Variants in WDR70 observed in about 807,000 individuals in gnomAD.
The protein encoded by WDR70 is WD repeat domain 70, also known as WD repeat-containing protein 70.
In WDR70, 53 loss-of-function variants were observed where a neutral mutation model predicts 88.6. The ratio of observed to expected loss-of-function variants is 0.60; its 90% confidence interval spans 0.48 to 0.75. The LOEUF is 0.75. Among genes scored for constraint, WDR70 ranks in the 30% least tolerant of loss-of-function variants. The pLI is 0.00. For synonymous variants in WDR70, 280 were observed against 270.0 expected (o/e 1.04, Z -0.36); for missense variants, 610 against 823.2 (o/e 0.74, Z 3.17).
chr5:37,697,587 C>T, intron 10 of WDR70, 68 bp from the exon 11 acceptor site: 1 of 1,258,416 alleles, frequency 7.9e-7, no homozygotes, highest in Non-Finnish European at 1.2e-6. Context: ...GTGAAATGTT[C>T]TTGCCACAAA....
At chr5:37,623,807 C>G (rs1250867325) in intron 10 of WDR70, among the ~76,000 whole-genome samples, 1 of 152,060 alleles carries the variant, frequency 6.6e-6, no homozygotes, top group African/African-American at 2.4e-5. Flanking sequence ...ACAGCACAGT[C>G]CCTGGTACTT....
intron 10 of WDR70, among the ~76,000 whole-genome samples, chr5:37,647,836 G>T (rs1321871256): frequency 1.3e-5 from 2 of 152,198 alleles, no homozygotes; most frequent in East Asian, 3.9e-4. Flanking sequence ...GACTGTGCTT[G>T]GTCAGACCTG....
intron 9 of WDR70, among the ~76,000 whole-genome samples, chr5:37,532,971 C>T (rs1741543815): frequency 1.3e-5 from 2 of 152,116 alleles, no homozygotes; most frequent in Admixed American, 1.3e-4. Flanking sequence ...ATGTGTTGTT[C>T]TCCCCTTTCT....
At chr5:37,454,731 T>C (rs1372121274) in intron 7 of WDR70, among the ~76,000 whole-genome samples, 1 of 152,202 alleles carries the variant, frequency 6.6e-6, no homozygotes, top group Non-Finnish European at 1.5e-5. Context: ...CTGAAGTATT[T>C]TTCCTCCTCT....
chr5:37,676,131 T>G (rs543380103), intron 10 of WDR70, among the ~76,000 whole-genome samples: 1,988 of 149,568 alleles, frequency 0.013, 42 homozygotes, highest in African/African-American at 0.045. Flanking sequence ...AAGGAGATTT[T>G]GGGCTGAGAC....
chr5:37,524,329 C>G (rs559850525), intron 9 of WDR70, among the ~76,000 whole-genome samples: 3 of 152,192 alleles, frequency 2.0e-5, no homozygotes, highest in Non-Finnish European at 4.4e-5. Flanking sequence ...CAATATTCAA[C>G]ATTCTTAAAG....
At chr5:37,506,492 G>A (rs1475405922) in intron 8 of WDR70, 3 of 769,280 alleles carry the variant, frequency 3.9e-6, no homozygotes, top group Non-Finnish European at 7.3e-6. Flanking sequence ...AGACACCTCT[G>A]TTCTTAAGCA....
Position 37,647,727 on chromosome 5 carries a change from C to G in WDR70, c.1092+42489C>G, listed in dbSNP as rs371612431. Among the ~76,000 whole-genome samples the G allele has an allele frequency of 3.9e-5, 6 of 152,314 alleles. No individual in the cohort carries two copies. In the East Asian group the frequency reaches 9.7e-4, roughly 25 times the overall value. The stretch of plus-strand genomic sequence containing the variant: ...TTCTCTTTCCTTACTCCCAAACTTA[C>G]TTTGTTTGTTTCTCCTAAACAAGCA... On this transcript the variant is annotated intron_variant, in intron 10 of 17. Coordinates refer to ENST00000265107, the MANE Select transcript of WDR70 (RefSeq NM_018034.4).
intron 13 of WDR70, among the ~76,000 whole-genome samples, chr5:37,710,229 T>C (rs527557119): frequency 6.6e-6 from 1 of 152,166 alleles, no homozygotes; most frequent in Non-Finnish European, 1.5e-5. Flanking sequence ...AAATTGATCT[T>C]TTTAAGAAAG....
intron 3 of WDR70, 67 bp downstream of exon 3, chr5:37,381,752 A>G (rs2111841927): frequency 6.6e-7 from 1 of 1,508,456 alleles, no homozygotes; most frequent in Non-Finnish European, 9.1e-7. Context: ...CAAGTATATT[A>G]AAAAAGAGAA....
At chr5:37,391,039 A>G (rs1404228141) in intron 3 of WDR70, among the ~76,000 whole-genome samples, 1 of 152,178 alleles carries the variant, frequency 6.6e-6, no homozygotes, top group Non-Finnish European at 1.5e-5. Flanking sequence ...TTTATGTTTT[A>G]AAACATTAGA....
At chr5:37,553,396 G>A (rs992452586) in intron 9 of WDR70, among the ~76,000 whole-genome samples, 5 of 152,160 alleles carry the variant, frequency 3.3e-5, no homozygotes, top group African/African-American at 9.7e-5. Flanking sequence ...GGATAGTTGT[G>A]TACTAAAGGC....
At chr5:37,740,008 G>C (rs1480829187) in intron 17 of WDR70, among the ~76,000 whole-genome samples, 1 of 152,178 alleles carries the variant, frequency 6.6e-6, no homozygotes, top group Non-Finnish European at 1.5e-5. Flanking sequence ...CTTTAAAAGT[G>C]GGAATTTGTG....
At chr5:37,472,961 C>T (rs1739371838) in intron 7 of WDR70, among the ~76,000 whole-genome samples, 1 of 152,164 alleles carries the variant, frequency 6.6e-6, no homozygotes, top group South Asian at 2.1e-4. Context: ...AACTGCCAAA[C>T]AGTTCTCCAA....
intron 10 of WDR70, among the ~76,000 whole-genome samples, chr5:37,648,445 T>G (rs1745302436): frequency 6.6e-6 from 1 of 152,136 alleles, no homozygotes; most frequent in South Asian, 2.1e-4. Context: ...ATGATCACTA[T>G]GATTATCTCG....
chr5:37,698,248 T>C lies in WDR70; in HGVS notation c.1192+494T>C, dbSNP rs963178363. Among the ~76,000 whole-genome samples the C allele has an allele frequency of 2.0e-5, 3 of 152,202 alleles. No homozygotes were observed. In the South Asian group the frequency reaches 6.2e-4, roughly 31 times the overall value. On this transcript the variant is annotated intron_variant, in intron 11 of 17. Coordinates refer to ENST00000265107, the MANE Select transcript of WDR70 (RefSeq NM_018034.4). ...AGTTCTATATGATCATATTGTAAGT[T>C]TACTTATCCACATTTGTATGGTTGG...
chr5:37,462,503 C>T (rs572223647), intron 7 of WDR70, among the ~76,000 whole-genome samples: 11 of 152,066 alleles, frequency 7.2e-5, no homozygotes, highest in African/African-American at 1.2e-4. Flanking sequence ...GGGGTTTCAC[C>T]GTGTTAGTTA....
intron 5 of WDR70, among the ~76,000 whole-genome samples, chr5:37,401,826 C>A (rs1749204499): frequency 6.6e-6 from 1 of 151,964 alleles, no homozygotes; most frequent in South Asian, 2.1e-4. Context: ...GTACATATTT[C>A]TGGGGTAGAG....
intron 10 of WDR70, among the ~76,000 whole-genome samples, chr5:37,631,383 C>T (rs1227404323): frequency 6.6e-6 from 1 of 152,120 alleles, no homozygotes; most frequent in Non-Finnish European, 1.5e-5. Flanking sequence ...TAATTCATCT[C>T]CTTCTCGCTG....
Sources: gnomAD v4.1 joint callset for allele counts (sites outside exome capture counted in the v4.1 genomes callset) on GRCh38, gnomAD v4.1.1 for gene constraint, MANE v1.5 for transcripts, NCBI Gene and HGNC (gene_info 2026-07-23, HGNC 2026-07-21) for gene names.